RSBN1: variants seen among roughly 807,000 people sequenced by gnomAD.
The protein encoded by RSBN1 is round spermatid basic protein 1.
A neutral mutation model predicts 74.8 loss-of-function variants in RSBN1; 23 were observed. That is an observed-to-expected ratio of 0.31 (90% CI 0.22 to 0.44). The LOEUF is 0.44. Among genes scored for constraint, RSBN1 ranks in the 20% least tolerant of loss-of-function variants. RSBN1 has a pLI of 1.00. For synonymous variants in RSBN1, 407 were observed against 379.6 expected, an observed-to-expected ratio of 1.07 and a Z score of -0.84; for missense variants, 808 against 1,020.9, an observed-to-expected ratio of 0.79 and a Z score of 2.84.
Position 113,811,951 on chromosome 1 carries a change from G to C in RSBN1, c.462C>G (p.Ala154=). The C allele has an allele frequency of 2.5e-6, 4 of 1,590,574 alleles. No homozygotes were observed. The highest frequency in any genetic ancestry group is 2.6e-6 in the Non-Finnish European group (3 of 1,167,834). ...GGAGAGGGGCAGCGACAGCGGGCCC[G>C]GCGGGTGCCAGCGAAGGTGGCGGCG... is the stretch of plus-strand genomic sequence containing the variant. The part of the protein sequence containing the change: ...PPPPPPSLAP[A]GPAVAAPLPA... The change falls in exon 1 of 7, where the codon GCC becomes GCG. Residue 154 remains alanine, a synonymous_variant. Coordinates refer to ENST00000261441, the MANE Select transcript of RSBN1 (RefSeq NM_018364.5).
At chr1:113,808,026 G>C (rs1234794916) in intron 1 of RSBN1, among the ~76,000 whole-genome samples, 1 of 152,050 alleles carries the variant, frequency 6.6e-6, no homozygotes, top group Non-Finnish European at 1.5e-5. Context: ...ATACTGGCAA[G>C]AATGTGGAGA....
At chr1:113,798,533 T>G (rs947437619) in intron 1 of RSBN1, among the ~76,000 whole-genome samples, 1 of 152,226 alleles carries the variant, frequency 6.6e-6, no homozygotes, top group Admixed American at 6.5e-5. Context: ...CATTTTTTCC[T>G]ATCAAGTTGG....
chr1:113,793,351 T>A (rs747375015), intron 2 of RSBN1, among the ~76,000 whole-genome samples: 10 of 152,224 alleles, frequency 6.6e-5, no homozygotes, highest in Admixed American at 1.3e-4. Flanking sequence ...TGTCTCCAAT[T>A]CAATTCCTAA....
chr1:113,802,151 T>A (rs2101823306), intron 1 of RSBN1, among the ~76,000 whole-genome samples: 1 of 152,156 alleles, frequency 6.6e-6, no homozygotes, highest in East Asian at 1.9e-4. Flanking sequence ...AGACAGGGTT[T>A]CACTATGTTG....
At chr1:113,774,290 T>C (rs1317937232) in intron 4 of RSBN1, among the ~76,000 whole-genome samples, 1 of 152,110 alleles carries the variant, frequency 6.6e-6, no homozygotes, top group Admixed American at 6.5e-5. Context: ...ACCAGTATCA[T>C]GTTTTCAAAA....
intron 4 of RSBN1, among the ~76,000 whole-genome samples, chr1:113,774,751 TG>T (rs1659985727): frequency 6.6e-6 from 1 of 151,432 alleles, no homozygotes; most frequent in South Asian, 2.1e-4. Context: ...AGATACTTGG[TG>T]GGGCTGAGGT....
chr1:113,811,552 G>A (rs1488888471), intron 1 of RSBN1, among the ~76,000 whole-genome samples, 158 bp downstream of exon 1: 7 of 152,162 alleles, frequency 4.6e-5, no homozygotes, highest in African/African-American at 1.7e-4. Flanking sequence ...AGATCAAACC[G>A]TGTCAACGAT....
In RSBN1 at chr1:113,811,931, G is replaced by T. The variant is rs753266946; in HGVS notation, c.482C>A (p.Pro161His). ...GGCCGAGGTGCTTGGGGCCGGGAGA[G>T]GGGCAGCGACAGCGGGCCCGGCGGG... is the stretch of plus-strand genomic sequence containing the variant. ...LAPAGPAVAA[P>H]LPAPSTSALF... Residue 161 changes from proline (P) to histidine (H), a missense_variant, in exon 1 of 7, where the codon CCT becomes CAT. Physicochemically the swap from Pro to His is moderately conservative, Grantham distance 77. Transcript: ENST00000261441. 6.2e-7 allele frequency: 1 copy of T among 1,601,594 alleles called. No homozygotes were observed. The highest frequency in any genetic ancestry group is 8.5e-7 in the Non-Finnish European group (1 of 1,173,778).
intron 4 of RSBN1, among the ~76,000 whole-genome samples, chr1:113,773,130 T>C (rs911823256): frequency 1.3e-5 from 2 of 152,118 alleles, no homozygotes; most frequent in Non-Finnish European, 2.9e-5. Flanking sequence ...ATGGGATTTT[T>C]ACAAAAGAAA....
intron 2 of RSBN1, among the ~76,000 whole-genome samples, chr1:113,791,609 G>A (rs549506403): frequency 2.0e-5 from 3 of 151,964 alleles, no homozygotes; most frequent in Admixed American, 2.0e-4. Flanking sequence ...ATTAGCCAGC[G>A]ATCTTCCTAA....
chr1:113,799,881 G>A (rs890783323), intron 1 of RSBN1, among the ~76,000 whole-genome samples: 2 of 152,058 alleles, frequency 1.3e-5, no homozygotes, highest in African/African-American at 2.4e-5. Context: ...GAGTCCTGAC[G>A]AACCTTCAAG....
rs145830874 is a variant in RSBN1, at chr1:113,776,767, A to G, written c.1658+443T>C. Among the ~76,000 whole-genome samples, 1,224 of 149,558 alleles carry G rather than the reference A, an allele frequency of 8.2e-3. 18 individuals carry two copies. The highest frequency in any genetic ancestry group is 0.028 in the African/African-American group (1,120 of 40,408). ...CAAGAATACAGTGAGCTATGATTGT[A>G]CCACTGCACTCTAGCTCTGGGCAAC... On this transcript the variant is annotated intron_variant, in intron 4 of 6. Coordinates refer to ENST00000261441, the MANE Select transcript of RSBN1 (RefSeq NM_018364.5).
chr1:113,794,944 C>G (rs1346641153), intron 2 of RSBN1, among the ~76,000 whole-genome samples: 1 of 152,152 alleles, frequency 6.6e-6, no homozygotes, highest in Non-Finnish European at 1.5e-5. Context: ...TAAATAACTT[C>G]CAATAACTAT....
chr1:113,777,790 A>G lies in RSBN1; in HGVS notation c.1396T>C (p.Cys466Arg), dbSNP rs747968615. 6 of 1,601,938 alleles carry G rather than the reference A, an allele frequency of 3.7e-6. No homozygotes were observed. Among genetic ancestry groups the G allele is most frequent in the African/African-American group, 1.3e-5 (1 of 74,782 alleles). ...ATAGGACCTGCTCGGTAGGTGCCAC[A>G]GCAGTATGTCCTGTTGACCTAAGAT... ...FHTQVNRTYC[C>R]GTYRAGPMRQ... is the part of the protein sequence containing the mutation. The change falls in exon 3 of 7, where the codon TGT becomes CGT. Residue 466 changes from cysteine (C) to arginine (R), a missense_variant. Physicochemically the swap from Cys to Arg is radical, Grantham distance 180. Coordinates refer to ENST00000261441, the MANE Select transcript of RSBN1 (RefSeq NM_018364.5).
At position 113,811,963 on chromosome 1, in the gene RSBN1, C is replaced by G; in HGVS notation, c.450G>C (p.Ser150=). The G allele has an allele frequency of 3.8e-6, 6 of 1,580,574 alleles. No homozygotes were observed. The highest frequency in any genetic ancestry group is 4.3e-6 in the Non-Finnish European group (5 of 1,162,928). The change falls in exon 1 of 7, where the codon TCG becomes TCC. Residue 150 remains serine (S), a synonymous_variant. Coordinates refer to ENST00000261441, the MANE Select transcript of RSBN1 (RefSeq NM_018364.5). ...PLLLPPPPPP[S]LAPAGPAVAA... The stretch of plus-strand genomic sequence containing the variant: ...CGACAGCGGGCCCGGCGGGTGCCAG[C>G]GAAGGTGGCGGCGGAGGCGGCAGGA...
chr1:113,777,372 G>A lies in RSBN1; in HGVS notation c.1516-20C>T. 1 of 1,588,276 alleles carries A rather than the reference G, an allele frequency of 6.3e-7. No homozygotes were observed. Among genetic ancestry groups the A allele is most frequent in the Non-Finnish European group, 8.6e-7 (1 of 1,165,638 alleles). On this transcript the variant is annotated intron_variant, in intron 3 of 6. Transcript: ENST00000261441. ...AGTCATCTAGAAATCAGACGGATTA[G>A]TCACATTAAAAAATTGTTTCAATGA...
chr1:113,803,472 A>T (rs1041000087), intron 1 of RSBN1, among the ~76,000 whole-genome samples: 2 of 152,208 alleles, frequency 1.3e-5, no homozygotes, highest in African/African-American at 4.8e-5. Flanking sequence ...AATGAATGAG[A>T]TAGCATATCT....
chr1:113,772,845 T>C (rs1160102570), intron 4 of RSBN1, among the ~76,000 whole-genome samples: 1 of 152,188 alleles, frequency 6.6e-6, no homozygotes, highest in Non-Finnish European at 1.5e-5. Context: ...TGGAAAAACA[T>C]GTAAATCTCT....
chr1:113,783,681 A>G (rs1660182020), intron 2 of RSBN1, among the ~76,000 whole-genome samples: 1 of 152,158 alleles, frequency 6.6e-6, no homozygotes. Flanking sequence ...GCATACCTTT[A>G]TAAGGAAGTG....
Sources: gnomAD v4.1 joint callset for allele counts (sites outside exome capture counted in the v4.1 genomes callset) on GRCh38, gnomAD v4.1.1 for gene constraint, MANE v1.5 for transcripts, NCBI Gene and HGNC (gene_info 2026-07-23, HGNC 2026-07-21) for gene names.